Variants in CEP290 observed in about 807,000 individuals in gnomAD.
CEP290 encodes centrosomal protein of 290 kDa.
In CEP290, 317 loss-of-function variants were observed where a neutral mutation model predicts 344.9. That is an observed-to-expected ratio of 0.92 (90% CI 0.84 to 1.01). CEP290 has a LOEUF of 1.01. Among genes scored for constraint, CEP290 ranks in the 50% least tolerant of loss-of-function variants. The pLI is 0.00. For missense variants in CEP290, 2,754 were observed against 2,761.4 expected, an observed-to-expected ratio of 1.00 and a Z score of 0.06; for synonymous variants, 932 against 895.8, an observed-to-expected ratio of 1.04 and a Z score of -0.72.
chr12:88,061,831 T>G (rs1272783164), intron 46 of CEP290, among the ~76,000 whole-genome samples: 1 of 151,796 alleles, frequency 6.6e-6, no homozygotes, highest in East Asian at 1.9e-4. Flanking sequence ...CAGGCTGGAG[T>G]ACAGTTGTGT....
chr12:88,108,850 C>T (rs1393430722), intron 23 of CEP290, among the ~76,000 whole-genome samples: 1 of 152,004 alleles, frequency 6.6e-6, no homozygotes, highest in Non-Finnish European at 1.5e-5. Flanking sequence ...CGTTAAATGA[C>T]TCAAACCCAG....
chr12:88,075,242 G>T (rs2035673182), intron 41 of CEP290, among the ~76,000 whole-genome samples: 1 of 150,280 alleles, frequency 6.7e-6, no homozygotes, highest in African/African-American at 2.5e-5. Context: ...TGTTGTTATG[G>T]TTTGAGGGCA....
Position 88,084,833 on chromosome 12 carries a change from G to T in CEP290, c.4457C>A (p.Ser1486Tyr), listed in dbSNP as rs2036457881. The change falls in exon 35 of 54, where the codon TCT becomes TAT. Residue 1486 changes from serine to tyrosine, a missense_variant. By Grantham distance (144) the Ser-to-Tyr change is moderately radical. Coordinates refer to ENST00000552810, the MANE Select transcript of CEP290 (RefSeq NM_025114.4). Reference protein sequence around the residue: ...SLEEKLKEKESALRLAEQNIL... With the variant: ...SLEEKLKEKEYALRLAEQNIL... ...ATTTTGTTCTGCTAACCTTAAAGCA[G>T]ATTCTTTCTCTTTTAGTTTCTGCAA... 1 of 1,569,276 alleles carries T rather than the reference G, an allele frequency of 6.4e-7. No individual in the cohort carries two copies. Among genetic ancestry groups the T allele is most frequent in the Non-Finnish European group, 8.6e-7 (1 of 1,161,990 alleles).
At chr12:88,102,547 G>A (rs1475342293) in intron 26 of CEP290, among the ~76,000 whole-genome samples, 1 of 152,150 alleles carries the variant, frequency 6.6e-6, no homozygotes, top group Non-Finnish European at 1.5e-5. Context: ...CTGGTTAAAA[G>A]AGGTTTGATT....
chr12:88,082,592 G>A (rs76991874), intron 37 of CEP290, among the ~76,000 whole-genome samples: 7,507 of 152,142 alleles, frequency 0.049, 631 homozygotes, highest in African/African-American at 0.17. Context: ...TACTCTGCAG[G>A]CTGAGGTGGG....
chr12:88,064,405 A>G (rs1021082992), intron 44 of CEP290, among the ~76,000 whole-genome samples: 12 of 152,096 alleles, frequency 7.9e-5, no homozygotes, highest in African/African-American at 2.9e-4. Flanking sequence ...AAACTGATCT[A>G]TGGTGGTTTT....
intron 33 of CEP290, 88 bp from the exon 34 acceptor site, chr12:88,086,261 T>C (rs2036565616): frequency 6.7e-7 from 1 of 1,502,718 alleles, no homozygotes; most frequent in Admixed American, 2.2e-5. Flanking sequence ...AAAACATAGA[T>C]TAAACCCCTC....
rs764240457 is a variant in CEP290, at chr12:88,077,247, A to G, written c.5684T>C (p.Val1895Ala). The G allele has an allele frequency of 1.2e-5, 20 of 1,604,996 alleles. No homozygotes were observed. The highest frequency in any genetic ancestry group is 2.2e-5 in the East Asian group (1 of 44,490). Residue 1895 changes from valine (V) to alanine (A), a missense_variant, in exon 41 of 54, where the codon GTA becomes GCA. Coordinates refer to ENST00000552810, the MANE Select transcript of CEP290 (RefSeq NM_025114.4). ...ENQLEGKVEE[V>A]DLKPMKEKNA... Reference sequence around the variant, plus strand: ...CTTTTCTTTCATAGGTTTTAGGTCTACTTCCTCCACCTTTCCCTCTAATTG... The same window carrying G: ...CTTTTCTTTCATAGGTTTTAGGTCTGCTTCCTCCACCTTTCCCTCTAATTG...
At chr12:88,123,890 A>G (rs2039568779) in intron 13 of CEP290, among the ~76,000 whole-genome samples, 1 of 151,994 alleles carries the variant, frequency 6.6e-6, no homozygotes, top group Admixed American at 6.6e-5. Flanking sequence ...CACCATGACC[A>G]AAACTTTTGG....
In CEP290 at chr12:88,077,352, A is replaced by G. The variant is rs886049878; in HGVS notation, c.5587-8T>C. ...ATCTGTCAGGGGTTTGCCCTAAAAA[A>G]TAAAATGTAACTTTATATTTTTACA... On this transcript the variant is annotated splice_polypyrimidine_tract_variant and splice_region_variant and intron_variant, in intron 40 of 53. Coordinates refer to ENST00000552810, the MANE Select transcript of CEP290 (RefSeq NM_025114.4). The G allele has an allele frequency of 6.9e-7, 1 of 1,454,836 alleles. No homozygotes were observed. The highest frequency in any genetic ancestry group is 1.4e-5 in the South Asian group (1 of 73,252). 90.1% of individuals were successfully genotyped at this position (1,454,836 alleles called of 1,614,324 possible).
At chr12:88,084,019 C>A (rs973987109) in intron 35 of CEP290, 65 bp from the exon 36 acceptor site, 2 of 1,000,546 alleles carry the variant, frequency 2.0e-6, no homozygotes, top group Non-Finnish European at 3.0e-6. Context: ...ATTTTGAAGA[C>A]CTTATATATT....
At chr12:88,065,696 A>C (rs2034867488) in intron 44 of CEP290, among the ~76,000 whole-genome samples, 1 of 152,192 alleles carries the variant, frequency 6.6e-6, no homozygotes, top group African/African-American at 2.4e-5. Flanking sequence ...AAATATATTA[A>C]ATATTAGAGT....
At chr12:88,079,313 C>T (rs2036017720) in intron 38 of CEP290, 84 bp from the exon 39 acceptor site, 1 of 1,022,920 alleles carries the variant, frequency 9.8e-7, no homozygotes, top group South Asian at 1.8e-5. Flanking sequence ...AATAAACAAG[C>T]TTTATTACTT....
chr12:88,080,131 A>C (rs1212016372), intron 38 of CEP290, 51 bp downstream of exon 38: 60 of 1,179,210 alleles, frequency 5.1e-5, no homozygotes, highest in Non-Finnish European at 7.0e-5. Context: ...CTCTAAAAGC[A>C]ATCTACCACA....
intron 32 of CEP290, among the ~76,000 whole-genome samples, chr12:88,087,175 A>G (rs1327027913): frequency 2.0e-5 from 3 of 152,190 alleles, no homozygotes; most frequent in African/African-American, 7.2e-5. Context: ...TAAGAAGCTG[A>G]CTTCTTACTC....
chr12:88,077,605 T>A, intron 40 of CEP290, 92 bp downstream of exon 40: 1 of 847,578 alleles, frequency 1.2e-6, no homozygotes, highest in Non-Finnish European at 1.8e-6. Context: ...AAGTCAGTTT[T>A]AACAAATACC....
rs530747542 is a variant in CEP290 at position 88,077,476 on chromosome 12, A to G, written c.5587-132T>C. The G allele has an allele frequency of 3.3e-5, 23 of 695,666 alleles. 1 individual carries two copies. Among genetic ancestry groups the G allele is most frequent in the African/African-American group, 1.1e-4 (6 of 54,802 alleles). The allele number at this position is 695,666 out of a possible 1,614,324, so 43.1% of individuals were successfully genotyped here. On this transcript the variant is annotated intron_variant, in intron 40 of 53. Transcript: ENST00000552810. ...ATACTTTCTAAATGACACTTAATAC[A>G]TAAGATAATCTGGTAGCTGCTTCTG...
chr12:88,126,257 G>C (rs752969602), intron 12 of CEP290, 59 bp downstream of exon 12: 3 of 1,333,042 alleles, frequency 2.3e-6, no homozygotes, highest in Non-Finnish European at 2.9e-6. Context: ...AAAAGACATC[G>C]TTCAGAGTTC....
intron 29 of CEP290, 77 bp downstream of exon 29, chr12:88,092,604 C>G: frequency 8.1e-7 from 1 of 1,241,380 alleles, no homozygotes; most frequent in Non-Finnish European, 1.1e-6. Context: ...GAATTGTATA[C>G]CTGTAATTGG....
Sources: allele counts gnomAD v4.1 joint callset (sites outside exome capture counted in the v4.1 genomes callset), GRCh38; gene constraint gnomAD v4.1.1; transcripts MANE v1.5; gene names NCBI Gene and HGNC (gene_info 2026-07-23, HGNC 2026-07-21).